Variants in C1orf185 observed in about 807,000 individuals in gnomAD.
The protein encoded by C1orf185 is uncharacterized protein C1orf185.
C1orf185 carries 13 observed loss-of-function variants against 16.1 expected under a neutral mutation model. That is an observed-to-expected ratio of 0.81 (90% CI 0.53 to 1.28). The LOEUF is 1.28. C1orf185 is among the 50% of genes most tolerant of loss of function. C1orf185 has a pLI of 0.00. For missense variants in C1orf185, 220 were observed against 225.2 expected (o/e 0.98, Z 0.15); for synonymous variants, 80 against 76.9 (o/e 1.04, Z -0.21).
At chr1:51,108,610 C>A (rs1646090804) in intron 1 of C1orf185, among the ~76,000 whole-genome samples, 1 of 152,128 alleles carries the variant, frequency 6.6e-6, no homozygotes, top group Non-Finnish European at 1.5e-5. Context: ...TCTCTGGTAA[C>A]CACCATTTTA....
chr1:51,127,883 TTG>T (rs1198185356), intron 3 of C1orf185, among the ~76,000 whole-genome samples: 14 of 149,122 alleles, frequency 9.4e-5, no homozygotes, highest in African/African-American at 3.0e-4. Context: ...TTTCTTTTCT[TTG>T]TTTTTTTTTT....
At chr1:51,117,037 C>G (rs753360534) in intron 2 of C1orf185, among the ~76,000 whole-genome samples, 23 of 152,118 alleles carry the variant, frequency 1.5e-4, no homozygotes, top group South Asian at 4.1e-4. Flanking sequence ...CTTGTGATTA[C>G]GTTATTAATG....
Position 51,147,951 on chromosome 1 carries a change from C to A in C1orf185, c.*180C>A. 1 of 529,940 alleles carries A rather than the reference C, an allele frequency of 1.9e-6. No individual in the cohort carries two copies. Among genetic ancestry groups the A allele is most frequent in the Non-Finnish European group, 3.2e-6 (1 of 317,410 alleles). The allele number at this position is 529,940 out of a possible 1,614,324, so 32.8% of individuals were successfully genotyped here. ...GCTTTTTTTGTTCTTTACCATAGAG[C>A]GGCTCTACTTCCCTTGCTGGTTCTT... On this transcript the variant is annotated 3_prime_UTR_variant, in exon 5 of 5. Coordinates refer to ENST00000371759, the MANE Select transcript of C1orf185 (RefSeq NM_001136508.2).
intron 3 of C1orf185, among the ~76,000 whole-genome samples, chr1:51,124,105 A>C (rs1391257210): frequency 7.7e-6 from 1 of 130,056 alleles, no homozygotes; most frequent in African/African-American, 3.0e-5. Context: ...TTTTTTTGAG[A>C]CAGTCTCGCA....
intron 3 of C1orf185, among the ~76,000 whole-genome samples, chr1:51,139,521 A>G (rs1646349758): frequency 6.6e-6 from 1 of 152,212 alleles, no homozygotes; most frequent in Admixed American, 6.5e-5. Flanking sequence ...AGTTTGTAAA[A>G]GAGTAAAACT....
At position 51,147,892 on chromosome 1, in the gene C1orf185, C is replaced by T; in HGVS notation, c.*121C>T. 1.1e-6 allele frequency: 1 copy of T among 895,270 alleles called. No individual in the cohort carries two copies. The highest frequency in any genetic ancestry group is 1.6e-6 in the Non-Finnish European group (1 of 619,680). 55.5% of individuals were successfully genotyped at this position (895,270 alleles called of 1,614,324 possible). A position where few individuals can be genotyped will look rare whatever the true frequency, so the allele number is the denominator to read the frequency against. ...CTTTTGAAACCTTGTATACAATCAG[C>T]TTCTGAGTCTCTTAACATGTCCATG... On this transcript the variant is annotated 3_prime_UTR_variant, in exon 5 of 5. Transcript: ENST00000371759.
rs1646411049 is a variant in C1orf185, at chr1:51,147,764, C to G, written c.593C>G (p.Thr198Ser). Residue 198 changes from threonine to serine, a missense_variant, in exon 5 of 5, where the codon ACT (threonine) becomes AGT (serine). Transcript: ENST00000371759. ...EEGTESVLND[T>S]L Reference sequence around the variant, plus strand: ...GGTACTGAAAGTGTACTGAATGACACTTTATGACCATCAAAAAGATGACTA... The same window carrying G: ...GGTACTGAAAGTGTACTGAATGACAGTTTATGACCATCAAAAAGATGACTA... 6.6e-7 allele frequency: 1 copy of G among 1,514,814 alleles called. No individual in the cohort carries two copies. Among genetic ancestry groups the G allele is most frequent in the South Asian group, 1.3e-5 (1 of 78,622 alleles). The allele number at this position is 1,514,814 out of a possible 1,614,324, so 93.8% of individuals were successfully genotyped here.
intron 2 of C1orf185, among the ~76,000 whole-genome samples, chr1:51,118,354 A>G (rs1251614797): frequency 6.6e-6 from 1 of 152,234 alleles, no homozygotes; most frequent in Non-Finnish European, 1.5e-5. Context: ...TTTTCTCACA[A>G]CCAGAAAGAA....
chr1:51,113,979 G>A (rs978457641), intron 2 of C1orf185, among the ~76,000 whole-genome samples: 1 of 152,206 alleles, frequency 6.6e-6, no homozygotes, highest in Non-Finnish European at 1.5e-5. Context: ...GCAGGGGACA[G>A]ATAATGAACA....
chr1:51,102,406 TA>T (rs1646038404), intron 1 of C1orf185, 157 bp downstream of exon 1: 9 of 438,776 alleles, frequency 2.1e-5, no homozygotes, highest in Non-Finnish European at 3.3e-5. Flanking sequence ...ATTGTAAAGT[TA>T]TTGGGGCTAT....
chr1:51,134,222 T>C (rs1341896643), intron 3 of C1orf185, among the ~76,000 whole-genome samples: 1 of 152,158 alleles, frequency 6.6e-6, no homozygotes, highest in Non-Finnish European at 1.5e-5. Context: ...AAATTAAATA[T>C]ACTGCTCCTG....
At position 51,103,446 on chromosome 1, in the gene C1orf185, CACAA is replaced by C. The variant is rs1418942778; in HGVS notation, c.16+1199_16+1202del. Reference sequence around the variant, plus strand: ...ACACACACACACACACACACACACACACAAAAACCACGAAACAAATAAAAACTTG... The same window carrying C: ...ACACACACACACACACACACACACACAAACCACGAAACAAATAAAAACTTG... On this transcript the variant is annotated intron_variant, in intron 1 of 4. Transcript: ENST00000371759. Among the ~76,000 whole-genome samples the C allele has an allele frequency of 4.9e-4, 74 of 150,434 alleles. 1 individual carries two copies. Among genetic ancestry groups the C allele is most frequent in the African/African-American group, 1.7e-3 (68 of 40,418 alleles).
At chr1:51,125,520 G>A (rs1293582400) in intron 3 of C1orf185, among the ~76,000 whole-genome samples, 2 of 152,138 alleles carry the variant, frequency 1.3e-5, no homozygotes, top group Admixed American at 6.5e-5. Context: ...TATAAAGGGG[G>A]CATAGTGCTG....
chr1:51,113,520 C>G (rs1169960488), intron 2 of C1orf185, among the ~76,000 whole-genome samples: 1 of 152,016 alleles, frequency 6.6e-6, no homozygotes, highest in East Asian at 1.9e-4. Context: ...CCTCTCTCTA[C>G]TAACGATAAA....
intron 1 of C1orf185, among the ~76,000 whole-genome samples, chr1:51,106,834 T>G (rs1646076366): frequency 6.6e-6 from 1 of 151,142 alleles, no homozygotes; most frequent in African/African-American, 2.4e-5. Context: ...CTCAGCTCAC[T>G]GCAACCTCCA....
chr1:51,141,513 G>T (rs1288816130), intron 3 of C1orf185, among the ~76,000 whole-genome samples: 1 of 152,064 alleles, frequency 6.6e-6, no homozygotes, highest in African/African-American at 2.4e-5. Flanking sequence ...AAAAAATCAA[G>T]TACTTATAAT....
chr1:51,108,058 T>C (rs1646086986), intron 1 of C1orf185, among the ~76,000 whole-genome samples: 1 of 152,210 alleles, frequency 6.6e-6, no homozygotes, highest in South Asian at 2.1e-4. Flanking sequence ...GCTTTCATAA[T>C]AATGCTAAAC....
chr1:51,146,410 G>A (rs1468707497), intron 4 of C1orf185, among the ~76,000 whole-genome samples: 1 of 147,196 alleles, frequency 6.8e-6, no homozygotes, highest in Non-Finnish European at 1.5e-5. Flanking sequence ...AGTGAGTCGA[G>A]ACTGCACCAA....
chr1:51,122,294 C>A (rs1162899523), intron 3 of C1orf185, among the ~76,000 whole-genome samples: 1 of 152,082 alleles, frequency 6.6e-6, no homozygotes, highest in Non-Finnish European at 1.5e-5. Flanking sequence ...AAATTGTTTT[C>A]CAAAGTAGCT....
Sources: allele counts gnomAD v4.1 joint callset (sites outside exome capture counted in the v4.1 genomes callset), GRCh38; gene constraint gnomAD v4.1.1; transcripts MANE v1.5; gene names NCBI Gene and HGNC (gene_info 2026-07-23, HGNC 2026-07-21).